Variants in ZNF516 observed in about 807,000 individuals in gnomAD.
The protein encoded by ZNF516 is zinc finger protein 516.
ZNF516 carries 19 observed loss-of-function variants against 79.7 expected under a neutral mutation model. That is an observed-to-expected ratio of 0.24 (90% CI 0.17 to 0.35). ZNF516 has a LOEUF of 0.35. ZNF516 is among the 10% of genes least tolerant of loss of function. ZNF516 has a pLI of 1.00. For missense variants in ZNF516, 1,678 were observed against 1,679.5 expected (o/e 1.00, Z 0.02); for synonymous variants, 877 against 739.5 (o/e 1.19, Z -3.02).
At position 76,380,160 on chromosome 18, in the gene ZNF516, T is replaced by G; in HGVS notation, c.1954A>C (p.Ile652Leu). 1 of 1,613,970 alleles carries G rather than the reference T, an allele frequency of 6.2e-7. No individual in the cohort carries two copies. The highest frequency in any genetic ancestry group is 8.5e-7 in the Non-Finnish European group (1 of 1,179,886). The change falls in exon 4 of 7, where the codon ATA (isoleucine) becomes CTA (leucine). Residue 652 changes from isoleucine (I) to leucine (L), a missense_variant. Around this residue, in one of 5 missense-constraint regions of ZNF516, gnomAD observed 1,294 missense variants for 1,248.3 expected, o/e 1.04. Transcript: ENST00000443185. Reference sequence around the variant, plus strand: ...GTCTCTCTGCTACTGTTTTCAAGTATGGACACAGAAGCTGCGATCCCTGCC... The same window carrying G: ...GTCTCTCTGCTACTGTTTTCAAGTAGGGACACAGAAGCTGCGATCCCTGCC... ...SKAGIAASVS[I>L]LENSSRETSR...
chr18:76,453,376 G>C (rs560589160), intron 2 of ZNF516, among the ~76,000 whole-genome samples: 1 of 152,226 alleles, frequency 6.6e-6, no homozygotes, highest in African/African-American at 2.4e-5. Context: ...TCACTGAGGG[G>C]CCGCTCTCCT....
chr18:76,423,041 C>T (rs2075527967), intron 3 of ZNF516, among the ~76,000 whole-genome samples: 1 of 152,184 alleles, frequency 6.6e-6, no homozygotes, highest in Admixed American at 6.5e-5. Context: ...CTGGGCTGTG[C>T]ACACCGCAGG....
chr18:76,379,763 C>T lies in ZNF516; in HGVS notation c.2351G>A (p.Arg784His), dbSNP rs867119112. Residue 784 changes from arginine (R) to histidine (H), a missense_variant, in exon 4 of 7, where the codon CGC becomes CAC. By Grantham distance (29) the Arg-to-His change is conservative. Transcript: ENST00000443185. ...GGGAGCCACGGAGTTGCAGCTGACG[C>T]GGTGCCAGATGCGTTTGTGCATCCA... ...VLWMHKRIWH[R>H]VSCNSVAPPW... is the part of the protein sequence containing the mutation. 1.7e-5 allele frequency: 28 copies of T among 1,613,778 alleles called. No homozygotes were observed. The highest frequency in any genetic ancestry group is 3.3e-5 in the South Asian group (3 of 91,084).
At chr18:76,477,820 T>C (rs575842681) in intron 1 of ZNF516, among the ~76,000 whole-genome samples, 8 of 152,110 alleles carry the variant, frequency 5.3e-5, no homozygotes, top group Non-Finnish European at 1.2e-4. Context: ...CATTTAATTC[T>C]CATCTCCTTT....
At chr18:76,380,976 C>T (rs568993766) in intron 3 of ZNF516, among the ~76,000 whole-genome samples, 1 of 152,240 alleles carries the variant, frequency 6.6e-6, no homozygotes, top group Non-Finnish European at 1.5e-5. Context: ...CACCTCCATG[C>T]CGCCACCTGC....
At chr18:76,433,830 C>T (rs1232194148) in intron 3 of ZNF516, among the ~76,000 whole-genome samples, 2 of 152,198 alleles carry the variant, frequency 1.3e-5, no homozygotes, top group Non-Finnish European at 1.5e-5. Context: ...GGTGCAGAAT[C>T]ATCAGTCGGA....
intron 5 of ZNF516, 68 bp downstream of exon 5, chr18:76,371,399 A>G (rs689756): frequency 2.9e-5 from 42 of 1,454,024 alleles, no homozygotes; most frequent in Non-Finnish European, 3.7e-5. Context: ...GCGGATGGTC[A>G]AGCCACTGAC....
intron 3 of ZNF516, among the ~76,000 whole-genome samples, chr18:76,424,045 C>G (rs1237680330): frequency 7.8e-6 from 1 of 127,504 alleles, no homozygotes; most frequent in African/African-American, 3.0e-5. Flanking sequence ...AGGGTCCCCC[C>G]CGAAACACAC....
chr18:76,395,942 G>C (rs7230880), intron 3 of ZNF516, among the ~76,000 whole-genome samples: 2,466 of 152,296 alleles, frequency 0.016, 67 homozygotes, highest in African/African-American at 0.054. Context: ...AGCTGCAAGT[G>C]AAAGAGGAAG....
intron 3 of ZNF516, among the ~76,000 whole-genome samples, chr18:76,411,253 G>C (rs1243885238): frequency 6.6e-6 from 1 of 152,182 alleles, no homozygotes; most frequent in African/African-American, 2.4e-5. Flanking sequence ...TGGATGAAAT[G>C]GGTGTCGTGT....
Position 76,361,292 on chromosome 18 carries a change from G to C in ZNF516, c.*1206C>G, listed in dbSNP as rs1030013648. ...ATCTGTGGAATACCATTTCAATTGCGTACACTGCATGGTTTAAGATCCTTT... is the reference window on the plus strand; with the variant it reads ...ATCTGTGGAATACCATTTCAATTGCCTACACTGCATGGTTTAAGATCCTTT... On this transcript the variant is annotated 3_prime_UTR_variant, in exon 7 of 7. Transcript: ENST00000443185. 1 of 152,166 alleles carries C rather than the reference G, an allele frequency of 6.6e-6. No homozygotes were observed. Among genetic ancestry groups the C allele is most frequent in the Non-Finnish European group, 1.5e-5 (1 of 68,026 alleles). The allele number at this position is 152,166 out of a possible 1,614,324, so 9.4% of individuals were successfully genotyped here.
chr18:76,358,256 T>G lies in ZNF516; in HGVS notation c.*4242A>C, dbSNP rs2074483255. The G allele has an allele frequency of 6.6e-6, 1 of 152,224 alleles. No individual in the cohort carries two copies. The highest frequency in any genetic ancestry group is 2.4e-5 in the African/African-American group (1 of 41,452). 9.4% of individuals were successfully genotyped at this position (152,224 alleles called of 1,614,324 possible). ...GAATGAATATGTTTTATCTAAATAT[T>G]TTTATCACACAACTAAAACATTGAA... On this transcript the variant is annotated 3_prime_UTR_variant, in exon 7 of 7. Transcript: ENST00000443185.
At chr18:76,423,724 G>T (rs1489943024) in intron 3 of ZNF516, among the ~76,000 whole-genome samples, 1 of 143,610 alleles carries the variant, frequency 7.0e-6, no homozygotes, top group Admixed American at 7.0e-5. Context: ...CAGGTGAAAA[G>T]GCTCCCTCCT....
intron 3 of ZNF516, among the ~76,000 whole-genome samples, chr18:76,440,151 C>T (rs1336272669): frequency 6.6e-6 from 1 of 152,240 alleles, no homozygotes; most frequent in African/African-American, 2.4e-5. Context: ...GACTTGCCTT[C>T]TACATCTTTG....
chr18:76,413,906 C>T (rs1419573453), intron 3 of ZNF516, among the ~76,000 whole-genome samples: 1 of 152,110 alleles, frequency 6.6e-6, no homozygotes, highest in Non-Finnish European at 1.5e-5. Context: ...TAAAAGGTTT[C>T]GTTAAATGTT....
At position 76,451,893 on chromosome 18, in the gene ZNF516, T is replaced by C. The variant is rs1395420925; in HGVS notation, c.-157-8682A>G. The stretch of plus-strand genomic sequence containing the variant: ...CCCTACAAACCATTCTGTACACCAG[T>C]AACAATTACAGGCTTATAGTCCCCA... On this transcript the variant is annotated intron_variant, in intron 2 of 6. Coordinates refer to ENST00000443185, the MANE Select transcript of ZNF516 (RefSeq NM_014643.4). The surrounding 1 kb of genome is among the most constrained non-coding windows in gnomAD (Gnocchi z 6.0). Among the ~76,000 whole-genome samples, 1 of 152,110 alleles carries C rather than the reference T, an allele frequency of 6.6e-6. No individual in the cohort carries two copies. Among genetic ancestry groups the C allele is most frequent in the Non-Finnish European group, 1.5e-5 (1 of 68,016 alleles).
At chr18:76,452,606 C>CA in intron 2 of ZNF516, among the ~76,000 whole-genome samples, 1 of 152,256 alleles carries the variant, frequency 6.6e-6, no homozygotes, top group African/African-American at 2.4e-5. Context: ...CACAAACTGT[C>CA]AAAAAACCCA....
intron 3 of ZNF516, among the ~76,000 whole-genome samples, chr18:76,381,572 C>T (rs2074893126): frequency 6.6e-6 from 1 of 152,176 alleles, no homozygotes; most frequent in South Asian, 2.1e-4. Flanking sequence ...TCCCAACAAA[C>T]TGGTAACAAA....
intron 3 of ZNF516, among the ~76,000 whole-genome samples, chr18:76,405,238 T>A (rs910353963): frequency 7.3e-6 from 1 of 136,668 alleles, no homozygotes; most frequent in African/African-American, 2.4e-5. Flanking sequence ...AGACAGACTG[T>A]GTCTTTTTTG....
Sources: gnomAD v4.1 joint callset for allele counts (sites outside exome capture counted in the v4.1 genomes callset) on GRCh38, gnomAD v4.1.1 for gene constraint, gnomAD v4.1.1 regional missense constraint, Gnocchi (gnomAD v3.1) non-coding constraint, MANE v1.5 for transcripts, NCBI Gene and HGNC (gene_info 2026-07-23, HGNC 2026-07-21) for gene names.